The following JAZF1 variants were observed in gnomAD, a reference collection of about 807,000 sequenced individuals.
JAZF1 encodes the protein JAZF zinc finger 1.
A neutral mutation model predicts 26.4 loss-of-function variants in JAZF1; 8 were observed. The observed-to-expected ratio is 0.30, with a 90% CI of 0.18 to 0.55. The LOEUF (loss-of-function observed/expected upper bound fraction) is 0.55. Among genes scored for constraint, JAZF1 ranks in the 20% least tolerant of loss-of-function variants. The probability of loss-of-function intolerance (pLI) is 0.94; values close to 1 mark genes in which losing one functional copy is unlikely to be tolerated. For missense variants in JAZF1, 199 were observed against 322.0 expected (o/e 0.62, Z 2.92); for synonymous variants, 126 against 122.3 (o/e 1.03, Z -0.20).
chr7:28,140,554 A>G (rs1782946960), intron 1 of JAZF1, among the ~76,000 whole-genome samples: 1 of 152,154 alleles, frequency 6.6e-6, no homozygotes, highest in South Asian at 2.1e-4. Context: ...ATTCTGACTC[A>G]GTAGATCCGG....
At chr7:27,864,274 A>G (rs1783434233) in intron 3 of JAZF1, among the ~76,000 whole-genome samples, 1 of 152,216 alleles carries the variant, frequency 6.6e-6, no homozygotes, top group Admixed American at 6.5e-5. Flanking sequence ...AAAACTGGAA[A>G]TTCAGATTTT....
intron 1 of JAZF1, among the ~76,000 whole-genome samples, chr7:28,029,640 C>T (rs1181232933): frequency 2.0e-5 from 3 of 152,198 alleles, no homozygotes; most frequent in Non-Finnish European, 4.4e-5. Flanking sequence ...AAATGGGAAT[C>T]ATTTTAAGTA....
intron 1 of JAZF1, among the ~76,000 whole-genome samples, chr7:28,164,295 T>G (rs925954327): frequency 5.3e-5 from 8 of 152,246 alleles, no homozygotes; most frequent in Admixed American, 2.0e-4. Flanking sequence ...TTGTGATGCT[T>G]CATTATTGTA....
intron 3 of JAZF1, chr7:27,843,293 C>T (rs1782957996): frequency 6.6e-6 from 1 of 152,240 alleles, no homozygotes; most frequent in African/African-American, 2.4e-5. Flanking sequence ...TCAACACAGA[C>T]CTGGGTTCAT....
chr7:27,913,570 C>T (rs1784397754), intron 2 of JAZF1: 2 of 243,908 alleles, frequency 8.2e-6, no homozygotes, highest in Non-Finnish European at 1.8e-5. Flanking sequence ...ACCCCTTGCT[C>T]TCTTTCACAC....
chr7:27,869,318 G>A (rs755442971), intron 3 of JAZF1, among the ~76,000 whole-genome samples: 11 of 152,190 alleles, frequency 7.2e-5, no homozygotes, highest in South Asian at 2.1e-4. Flanking sequence ...GATGAATGAC[G>A]TATTTACCAG....
At chr7:28,030,435 C>T (rs916718388) in intron 1 of JAZF1, among the ~76,000 whole-genome samples, 2 of 152,176 alleles carry the variant, frequency 1.3e-5, no homozygotes, top group African/African-American at 4.8e-5. Context: ...ACACAGGATA[C>T]AGCACTACCT....
intron 2 of JAZF1, among the ~76,000 whole-genome samples, chr7:27,922,448 G>A (rs998341212): frequency 3.9e-5 from 6 of 152,012 alleles, no homozygotes; most frequent in Admixed American, 3.3e-4. Flanking sequence ...GGGGTTTCAC[G>A]GTGTTGCCCA....
chr7:28,134,088 C>T (rs1782841526), intron 1 of JAZF1, among the ~76,000 whole-genome samples: 2 of 152,198 alleles, frequency 1.3e-5, no homozygotes, highest in African/African-American at 4.8e-5. Flanking sequence ...TGGCTGCTGT[C>T]AACCCTGTGC....
chr7:27,880,566 G>A (rs574843597), intron 3 of JAZF1, among the ~76,000 whole-genome samples: 1 of 152,172 alleles, frequency 6.6e-6, no homozygotes, highest in Admixed American at 6.5e-5. Flanking sequence ...CCGAGAGACA[G>A]AGGTTGCAGT....
chr7:27,900,974 CT>C (rs35553979), intron 2 of JAZF1, among the ~76,000 whole-genome samples: 10,463 of 143,296 alleles, frequency 0.073, 353 homozygotes, highest in South Asian at 0.094. Context: ...TGTGTAAAAA[CT>C]TTTTTTTTTT....
chr7:28,031,687 AC>A (rs1299384444), intron 1 of JAZF1, among the ~76,000 whole-genome samples: 1 of 152,144 alleles, frequency 6.6e-6, no homozygotes, highest in Non-Finnish European at 1.5e-5. Flanking sequence ...GGAGCTGAAC[AC>A]ATGGATACAG....
chr7:28,026,254 ATTC>A (rs1181987846), intron 1 of JAZF1, among the ~76,000 whole-genome samples: 1 of 152,212 alleles, frequency 6.6e-6, no homozygotes, highest in Non-Finnish European at 1.5e-5. Context: ...CTACAAAAGT[ATTC>A]TTCTCTAAAG....
chr7:28,103,541 C>A (rs1358498330), intron 1 of JAZF1, among the ~76,000 whole-genome samples: 3 of 152,158 alleles, frequency 2.0e-5, no homozygotes, highest in Non-Finnish European at 4.4e-5. Flanking sequence ...AAACAGAGAT[C>A]CTGATTTCCA....
chr7:28,106,060 TTC>T (rs1784545615), intron 1 of JAZF1, among the ~76,000 whole-genome samples: 1 of 152,188 alleles, frequency 6.6e-6, no homozygotes, highest in Non-Finnish European at 1.5e-5. Context: ...TGTGGAGGTT[TTC>T]AGTAGGTAAC....
chr7:28,170,334 GATATGTGTGTGTGTGTGTGTGT>G (rs751293772), intron 1 of JAZF1, among the ~76,000 whole-genome samples: 1 of 104,348 alleles, frequency 9.6e-6, no homozygotes, highest in Non-Finnish European at 2.1e-5. Flanking sequence ...AAGAGAAGTT[GATATGTGTGTGTGTGTGTGTGT>G]GTGTGTGTGT....
At chr7:28,154,715 C>G (rs753138913) in intron 1 of JAZF1, among the ~76,000 whole-genome samples, 3 of 151,930 alleles carry the variant, frequency 2.0e-5, no homozygotes, top group Non-Finnish European at 4.4e-5. Flanking sequence ...ATTTATGATT[C>G]CCTATTCCTA....
At chr7:28,086,201 C>T (rs1784209786) in intron 1 of JAZF1, among the ~76,000 whole-genome samples, 1 of 152,324 alleles carries the variant, frequency 6.6e-6, no homozygotes, top group South Asian at 2.1e-4. Context: ...AAGTAAATTC[C>T]TATTATACAT....
Position 27,832,799 on chromosome 7 carries a change from G to A in JAZF1, c.*1C>T, listed in dbSNP as rs1782732504. On this transcript the variant is annotated 3_prime_UTR_variant, in exon 5 of 5. Coordinates refer to ENST00000283928, the MANE Select transcript of JAZF1 (RefSeq NM_175061.4). Reference sequence around the variant, plus strand: ...TTCTTGGCACAGTTATGACCAGCATGTTATTGCTGCATCTTCCTGATAATC... The same window carrying A: ...TTCTTGGCACAGTTATGACCAGCATATTATTGCTGCATCTTCCTGATAATC... The A allele has an allele frequency of 1.9e-6, 3 of 1,570,358 alleles. No homozygotes were observed. The highest frequency in any genetic ancestry group is 1.2e-5 in the South Asian group (1 of 85,160).
Sources: allele counts gnomAD v4.1 joint callset (sites outside exome capture counted in the v4.1 genomes callset), GRCh38; gene constraint gnomAD v4.1.1; transcripts MANE v1.5; gene names NCBI Gene and HGNC (gene_info 2026-07-23, HGNC 2026-07-21).